LRMDA: variants seen among roughly 807,000 people sequenced by gnomAD.
LRMDA encodes leucine-rich melanocyte differentiation-associated protein.
A neutral mutation model predicts 29.8 loss-of-function variants in LRMDA; 18 were observed. That is an observed-to-expected ratio of 0.60 (90% CI 0.42 to 0.90). The LOEUF is 0.90. Ranked by LOEUF, LRMDA falls within the 40% of genes least tolerant of loss-of-function variation. LRMDA has a pLI of 0.00. For missense variants in LRMDA, 273 were observed against 273.9 expected (o/e 1.00, Z 0.02); for synonymous variants, 125 against 109.4 (o/e 1.14, Z -0.89).
intron 2 of LRMDA, among the ~76,000 whole-genome samples, chr10:75,658,244 A>C (rs1479572394): frequency 1.3e-5 from 2 of 149,178 alleles, no homozygotes. Context: ...CGCTGTGTGA[A>C]TGAGATCCTT....
At chr10:75,594,832 T>C (rs923538444) in intron 2 of LRMDA, among the ~76,000 whole-genome samples, 2 of 152,234 alleles carry the variant, frequency 1.3e-5, no homozygotes, top group African/African-American at 4.8e-5. Flanking sequence ...ATAGGAATGA[T>C]CTAATGTACT....
intron 2 of LRMDA, among the ~76,000 whole-genome samples, chr10:75,551,053 C>T: frequency 6.6e-6 from 1 of 150,628 alleles, no homozygotes; most frequent in Non-Finnish European, 1.5e-5. Context: ...TTTTTTTTAA[C>T]CTGGGAAAAT....
chr10:75,496,924 C>A (rs566913060), intron 2 of LRMDA, among the ~76,000 whole-genome samples: 2 of 151,752 alleles, frequency 1.3e-5, no homozygotes, highest in South Asian at 4.2e-4. Flanking sequence ...GTATATATGA[C>A]CTGTGGACCC....
chr10:75,768,509 A>G (rs1344741251), intron 2 of LRMDA, among the ~76,000 whole-genome samples: 1 of 152,194 alleles, frequency 6.6e-6, no homozygotes, highest in Non-Finnish European at 1.5e-5. Context: ...ATCCTAGTGT[A>G]GTATTTTATT....
In LRMDA at chr10:75,892,364, G is replaced by T. The variant is rs115652596; in HGVS notation, c.132-143644G>T. ...AATTGGCTCAGCCCAGGGAGCTCTGGGTGGCAGGGCCCTGAAATCCTGCCC... is the reference window on the plus strand; with the variant it reads ...AATTGGCTCAGCCCAGGGAGCTCTGTGTGGCAGGGCCCTGAAATCCTGCCC... On this transcript the variant is annotated intron_variant, in intron 2 of 6. Transcript: ENST00000611255. Among the ~76,000 whole-genome samples the T allele has an allele frequency of 3.6e-3, 555 of 152,266 alleles. 6 individuals carry two copies. The highest frequency in any genetic ancestry group is 0.013 in the African/African-American group (547 of 41,550).
intron 2 of LRMDA, among the ~76,000 whole-genome samples, chr10:75,711,250 A>C (rs1409242862): frequency 6.6e-6 from 1 of 152,166 alleles, no homozygotes; most frequent in Non-Finnish European, 1.5e-5. Flanking sequence ...CCTAATGGCT[A>C]CTTTTAAATC....
rs114601843 is a variant in LRMDA, at chr10:76,275,459, C to T, written c.517-48942C>T. The stretch of plus-strand genomic sequence containing the variant: ...TATATTTTCTGTCACATTAATTGTA[C>T]ACATACAAATATTACTGTCTTTATT... On this transcript the variant is annotated intron_variant, in intron 5 of 6. Coordinates refer to ENST00000611255, the MANE Select transcript of LRMDA (RefSeq NM_001305581.2). Among the ~76,000 whole-genome samples the T allele has an allele frequency of 6.4e-3, 969 of 152,018 alleles. 15 individuals are homozygous for T. The highest frequency in any genetic ancestry group is 0.022 in the African/African-American group (915 of 41,478).
intron 5 of LRMDA, among the ~76,000 whole-genome samples, chr10:76,241,615 G>A (rs573856780): frequency 5.9e-4 from 90 of 152,278 alleles, no homozygotes; most frequent in African/African-American, 1.9e-3. Context: ...CAGATGCAGC[G>A]GAAGTGGGAG....
In LRMDA at chr10:76,224,667, C is replaced by CTT. The variant is rs35143239; in HGVS notation, c.517-99712_517-99711dup. Among the ~76,000 whole-genome samples, 883 of 105,250 alleles carry CTT rather than the reference C, an allele frequency of 8.4e-3. 7 individuals carry two copies. The highest frequency in any genetic ancestry group is 0.011 in the Non-Finnish European group (587 of 52,046). The allele number at this position is 105,250 out of a possible 152,430, so 69.0% of individuals were successfully genotyped here. On this transcript the variant is annotated intron_variant, in intron 5 of 6. Coordinates refer to ENST00000611255, the MANE Select transcript of LRMDA (RefSeq NM_001305581.2). Reference sequence around the variant, plus strand: ...CAATAAAATAATAATGTCTAGGACTCTTTTTTTTTTTTTTTTTTTTTTTAC... The same window carrying CTT: ...CAATAAAATAATAATGTCTAGGACTCTTTTTTTTTTTTTTTTTTTTTTTTTAC...
intron 5 of LRMDA, among the ~76,000 whole-genome samples, chr10:76,117,665 C>A (rs1307267071): frequency 6.6e-6 from 1 of 152,170 alleles, no homozygotes; most frequent in East Asian, 1.9e-4. Flanking sequence ...TAAAATACAA[C>A]CAAGATGAGA....
At chr10:75,645,766 G>A (rs549750082) in intron 2 of LRMDA, among the ~76,000 whole-genome samples, 25 of 152,234 alleles carry the variant, frequency 1.6e-4, no homozygotes, top group African/African-American at 5.8e-4. Context: ...GGTCAGCCTG[G>A]TGGAATATTC....
rs530875479 is a variant in LRMDA, at chr10:75,791,929, G to A, written c.132-244079G>A. On this transcript the variant is annotated intron_variant, in intron 2 of 6. Coordinates refer to ENST00000611255, the MANE Select transcript of LRMDA (RefSeq NM_001305581.2). ...GGCTGGAGTGCAGTGGTGCTATCTC[G>A]GCTCACTGCAAGCTCTGCCTCCCAG... is the stretch of plus-strand genomic sequence containing the variant. Among the ~76,000 whole-genome samples the A allele has an allele frequency of 9.7e-5, 14 of 144,458 alleles. No homozygotes were observed. The East Asian group carries it at 1.4e-3, about 15-fold the overall frequency. The allele number at this position is 144,458 out of a possible 152,430, so 94.8% of individuals were successfully genotyped here.
At chr10:75,472,702 C>G (rs1844740669) in intron 2 of LRMDA, among the ~76,000 whole-genome samples, 1 of 152,174 alleles carries the variant, frequency 6.6e-6, no homozygotes, top group African/African-American at 2.4e-5. Flanking sequence ...ATGGTGTATG[C>G]TTTTCATTTC....
intron 5 of LRMDA, among the ~76,000 whole-genome samples, chr10:76,163,041 A>G (rs1002653616): frequency 1.3e-5 from 2 of 152,220 alleles, no homozygotes; most frequent in African/African-American, 2.4e-5. Context: ...CCAAATAAGC[A>G]CATGGGAAAT....
chr10:76,497,412 C>A (rs2132340507), intron 6 of LRMDA, among the ~76,000 whole-genome samples: 1 of 74,574 alleles, frequency 1.3e-5, no homozygotes, highest in East Asian at 2.6e-4. Context: ...CCCTTGTTTT[C>A]TTGTAGGACC....
chr10:76,034,140 T>C (rs1357759230), intron 2 of LRMDA, among the ~76,000 whole-genome samples: 2 of 152,108 alleles, frequency 1.3e-5, no homozygotes, highest in Non-Finnish European at 2.9e-5. Context: ...GGAGGCAAAG[T>C]CCCAAACCTT....
In LRMDA at chr10:75,797,433, T is replaced by C. The variant is rs561715577; in HGVS notation, c.132-238575T>C. Among the ~76,000 whole-genome samples, 26 of 152,316 alleles carry C rather than the reference T, an allele frequency of 1.7e-4. No individual in the cohort carries two copies. In the South Asian group the frequency reaches 5.2e-3, roughly 30 times the overall value. On this transcript the variant is annotated intron_variant, in intron 2 of 6. Transcript: ENST00000611255. ...GCATTACATAAAATTATTTTAAGCA[T>C]GTTCTTCAGTGATTTTTTTAAAATA...
chr10:75,695,196 C>T (rs1367865132), intron 2 of LRMDA, among the ~76,000 whole-genome samples: 2 of 151,732 alleles, frequency 1.3e-5, no homozygotes, highest in Non-Finnish European at 2.9e-5. Context: ...GCAAGAAATA[C>T]CCTACAGGAG....
intron 2 of LRMDA, among the ~76,000 whole-genome samples, chr10:75,648,619 C>G (rs544933912): frequency 1.3e-4 from 20 of 152,156 alleles, no homozygotes; most frequent in Non-Finnish European, 2.8e-4. Context: ...GACTCTGGAG[C>G]CTCTCTGTGC....
Sources: allele counts gnomAD v4.1 joint callset (sites outside exome capture counted in the v4.1 genomes callset), GRCh38; gene constraint gnomAD v4.1.1; transcripts MANE v1.5; gene names NCBI Gene and HGNC (gene_info 2026-07-23, HGNC 2026-07-21).